MAPKAPK2: variants seen among roughly 807,000 people sequenced by gnomAD.
MAPKAPK2 encodes the protein MAPK activated protein kinase 2, also known as MAP kinase-activated protein kinase 2.
Under a neutral mutation model 48.8 loss-of-function variants are expected in MAPKAPK2, and 9 were observed. The observed-to-expected ratio is 0.18, with a 90% confidence interval of 0.11 to 0.32. The LOEUF is 0.32. MAPKAPK2 is among the 10% of genes least tolerant of loss of function. The probability of loss-of-function intolerance (pLI) is 1.00; values close to 1 mark genes in which losing one functional copy is unlikely to be tolerated. For missense variants in MAPKAPK2, 331 were observed against 498.3 expected (o/e 0.66, Z 3.20); for synonymous variants, 202 against 190.6 (o/e 1.06, Z -0.49).
At chr1:206,703,343 A>T (rs1672855904) in intron 1 of MAPKAPK2, among the ~76,000 whole-genome samples, 1 of 152,256 alleles carries the variant, frequency 6.6e-6, no homozygotes, top group East Asian at 1.9e-4. Context: ...AAATGGAATA[A>T]TGAGTGGAAC....
chr1:206,732,757 ACT>A lies in MAPKAPK2; in HGVS notation c.*44_*45del. ...CCTGCCCACGGGAGGACAAGCAATA[ACT>A]CTCTACAGGAATATATTTTTTAAAC... is the stretch of plus-strand genomic sequence containing the variant. On this transcript the variant is annotated 3_prime_UTR_variant, in exon 10 of 10. Transcript: ENST00000367103. This position sits in a 1 kb window ranked among gnomAD's most constrained non-coding sequence, Gnocchi z 4.4. 1.2e-6 allele frequency: 2 copies of A among 1,610,818 alleles called. No homozygotes were observed. Among genetic ancestry groups the A allele is most frequent in the South Asian group, 1.1e-5 (1 of 90,880 alleles).
At chr1:206,717,869 A>C (rs1422914085) in intron 1 of MAPKAPK2, among the ~76,000 whole-genome samples, 2 of 147,778 alleles carry the variant, frequency 1.4e-5, no homozygotes, top group Non-Finnish European at 3.0e-5. Context: ...TAAAACAGAA[A>C]GAAAAAAAAA....
At position 206,712,969 on chromosome 1, in the gene MAPKAPK2, C is replaced by CACACAT. The variant is rs1553429757; in HGVS notation, c.280-15736_280-15735insTACACA. On this transcript the variant is annotated intron_variant, in intron 1 of 9. Transcript: ENST00000367103. ...CGACAGAATGAGACTCCATCACACA[C>CACACAT]ACACACACACACACACACACACACA... Among the ~76,000 whole-genome samples, 4 of 148,454 alleles carry CACACAT rather than the reference C, an allele frequency of 2.7e-5. 1 individual carries two copies. The highest frequency in any genetic ancestry group is 1.0e-4 in the African/African-American group (4 of 40,032).
At chr1:206,730,820 C>T in intron 6 of MAPKAPK2, 57 bp downstream of exon 6, 1 of 1,555,930 alleles carries the variant, frequency 6.4e-7, no homozygotes, top group Non-Finnish European at 8.9e-7. Flanking sequence ...GCCTGTACTT[C>T]TCCAGGACAA....
intron 1 of MAPKAPK2, among the ~76,000 whole-genome samples, chr1:206,692,576 G>A (rs1490650563): frequency 6.6e-6 from 1 of 152,160 alleles, no homozygotes; most frequent in Admixed American, 6.5e-5. Context: ...AAGTTGGGCT[G>A]GGCCTCTGGC....
In MAPKAPK2 at chr1:206,720,886, C is replaced by A. The variant is rs542176166; in HGVS notation, c.280-7824C>A. Among the ~76,000 whole-genome samples the A allele has an allele frequency of 3.9e-5, 6 of 152,296 alleles. No individual in the cohort carries two copies. In the East Asian group the frequency reaches 1.2e-3, roughly 29 times the overall value. ...AATCTAGTAGACACTCAGGAATCCA[C>A]ATTTCCCCATTTAATATTCATCTGA... On this transcript the variant is annotated intron_variant, in intron 1 of 9. Coordinates refer to ENST00000367103, the MANE Select transcript of MAPKAPK2 (RefSeq NM_032960.4).
chr1:206,685,270 T>TGCCCCCCC lies in MAPKAPK2; in HGVS notation c.41_42insGCCCCCCC (p.Phe14LeufsTer125). ...CAGGGCCAGAGCCCGCCGGTGCCGT[T>TGCCCCCCC]CCCCGCCCCGGCCCCGCCGCCGCAG... On this transcript the variant is annotated frameshift_variant, in exon 1 of 10. Transcript: ENST00000367103. LOFTEE classifies it high-confidence loss of function. 7 of 566,970 alleles carry TGCCCCCCC rather than the reference T, an allele frequency of 1.2e-5. No individual in the cohort carries two copies. The highest frequency in any genetic ancestry group is 5.3e-6 in the Non-Finnish European group (2 of 379,586). 35.1% of individuals were successfully genotyped at this position (566,970 alleles called of 1,614,324 possible). A position where few individuals can be genotyped will look rare whatever the true frequency, so the allele number is the denominator to read the frequency against.
In MAPKAPK2 at chr1:206,732,805, A is replaced by G; in HGVS notation, c.*87A>G. ...TAAACGAAGAGACAGAACTGTCCACATCTGCCTCCTCTCCTCCTCAGCTGC... is the reference window on the plus strand; with the variant it reads ...TAAACGAAGAGACAGAACTGTCCACGTCTGCCTCCTCTCCTCCTCAGCTGC... On this transcript the variant is annotated 3_prime_UTR_variant, in exon 10 of 10. Transcript: ENST00000367103. The surrounding 1 kb of genome is among the most constrained non-coding windows in gnomAD (Gnocchi z 4.4). 6.9e-7 allele frequency: 1 copy of G among 1,449,068 alleles called. No homozygotes were observed. Among genetic ancestry groups the G allele is most frequent in the South Asian group, 1.3e-5 (1 of 79,070 alleles). 89.8% of individuals were successfully genotyped at this position (1,449,068 alleles called of 1,614,324 possible).
chr1:206,693,984 C>T (rs2102377432), intron 1 of MAPKAPK2, among the ~76,000 whole-genome samples: 1 of 152,242 alleles, frequency 6.6e-6, no homozygotes, highest in Non-Finnish European at 1.5e-5. Context: ...TGATGTGTGT[C>T]CATGGAGGTG....
chr1:206,699,117 C>T (rs1406095448), intron 1 of MAPKAPK2, among the ~76,000 whole-genome samples: 5 of 152,200 alleles, frequency 3.3e-5, no homozygotes, highest in African/African-American at 7.2e-5. Flanking sequence ...AACGAACACC[C>T]GTGTGTATAA....
At chr1:206,691,167 GC>G (rs1184759652) in intron 1 of MAPKAPK2, among the ~76,000 whole-genome samples, 1 of 152,146 alleles carries the variant, frequency 6.6e-6, no homozygotes, top group Non-Finnish European at 1.5e-5. Flanking sequence ...ATGTTCAGTG[GC>G]ATGTCCAAGG....
intron 1 of MAPKAPK2, among the ~76,000 whole-genome samples, chr1:206,724,899 T>C (rs1331838953): frequency 6.6e-6 from 1 of 152,144 alleles, no homozygotes; most frequent in East Asian, 1.9e-4. Context: ...AATGGTAAAT[T>C]TTTTCAAAGT....
intron 1 of MAPKAPK2, among the ~76,000 whole-genome samples, chr1:206,699,958 T>TTCTCTC (rs59368306): frequency 1.1e-4 from 17 of 150,224 alleles, no homozygotes; most frequent in Admixed American, 4.6e-4. Context: ...TTTCGTTTCT[T>TTCTCTC]TCTCTCTCTC....
intron 1 of MAPKAPK2, among the ~76,000 whole-genome samples, chr1:206,698,406 T>C (rs144991533): frequency 6.6e-6 from 1 of 152,356 alleles, no homozygotes; most frequent in African/African-American, 2.4e-5. Flanking sequence ...GTACCTTCTA[T>C]ACCCTTGAGA....
At chr1:206,718,298 G>A (rs915207409) in intron 1 of MAPKAPK2, among the ~76,000 whole-genome samples, 1 of 152,168 alleles carries the variant, frequency 6.6e-6, no homozygotes, top group Non-Finnish European at 1.5e-5. Context: ...TTGGGAGGCC[G>A]AGGCGGGCAG....
At chr1:206,718,052 C>G (rs1165747063) in intron 1 of MAPKAPK2, among the ~76,000 whole-genome samples, 9 of 152,058 alleles carry the variant, frequency 5.9e-5, no homozygotes, top group East Asian at 1.9e-4. Flanking sequence ...TGGGATTATG[C>G]TATATATTCT....
At chr1:206,712,283 G>A (rs1673181444) in intron 1 of MAPKAPK2, among the ~76,000 whole-genome samples, 1 of 152,186 alleles carries the variant, frequency 6.6e-6, no homozygotes, top group South Asian at 2.1e-4. Flanking sequence ...AACAACCTGC[G>A]AGTTAGATAA....
At chr1:206,695,805 C>T (rs772001294) in intron 1 of MAPKAPK2, 11 of 281,846 alleles carry the variant, frequency 3.9e-5, no homozygotes, top group African/African-American at 9.0e-5. Flanking sequence ...AATTTATTAA[C>T]GGAAAATATT....
At position 206,704,732 on chromosome 1, in the gene MAPKAPK2, G is replaced by T. The variant is rs782328964; in HGVS notation, c.279+19224G>T. Among the ~76,000 whole-genome samples, 46 of 152,178 alleles carry T rather than the reference G, an allele frequency of 3.0e-4. No individual in the cohort carries two copies. Among genetic ancestry groups the T allele is most frequent in the Non-Finnish European group, 6.0e-4 (41 of 68,030 alleles). On this transcript the variant is annotated intron_variant, in intron 1 of 9. Transcript: ENST00000367103. This position sits in a 1 kb window ranked among gnomAD's most constrained non-coding sequence, Gnocchi z 4.3. ...ATTTGAACTGAATAAGTGAAGATGA[G>T]TGCACCACAAGTGTGTGTGTGCACT...
Sources: gnomAD v4.1 joint callset for allele counts (sites outside exome capture counted in the v4.1 genomes callset) on GRCh38, gnomAD v4.1.1 for gene constraint, Gnocchi (gnomAD v3.1) non-coding constraint, MANE v1.5 for transcripts, NCBI Gene and HGNC (gene_info 2026-07-23, HGNC 2026-07-21) for gene names.